PLEKHA3: variants seen among roughly 807,000 people sequenced by gnomAD.
PLEKHA3 encodes pleckstrin homology domain-containing family A member 3.
PLEKHA3 carries 19 observed loss-of-function variants against 39.2 expected under a neutral mutation model. The observed-to-expected ratio is 0.48, with a 90% CI of 0.34 to 0.71. The LOEUF is 0.71. Among genes scored for constraint, PLEKHA3 ranks in the 30% least tolerant of loss-of-function variants. The pLI is 0.01. For synonymous variants in PLEKHA3, 97 were observed against 118.6 expected (o/e 0.82, Z 1.18); for missense variants, 253 against 359.5 (o/e 0.70, Z 2.40).
At chr2:178,489,851 G>C (rs967841536) in intron 2 of PLEKHA3, among the ~76,000 whole-genome samples, 1 of 152,092 alleles carries the variant, frequency 6.6e-6, no homozygotes, top group Non-Finnish European at 1.5e-5. Flanking sequence ...GCACCAAAGA[G>C]TTAAACATAT....
At position 178,485,753 on chromosome 2, in the gene PLEKHA3, T is replaced by C. The variant is rs775393360; in HGVS notation, c.153T>C (p.Ile51=). The C allele has an allele frequency of 6.2e-7, 1 of 1,602,032 alleles. No individual in the cohort carries two copies. Among genetic ancestry groups the C allele is most frequent in the East Asian group, 2.2e-5 (1 of 44,788 alleles). The change falls in exon 2 of 8, where the codon ATT becomes ATC. Residue 51 remains isoleucine (I), a synonymous_variant. Coordinates refer to ENST00000234453, the MANE Select transcript of PLEKHA3 (RefSeq NM_019091.4). ...KGSIKMAVCE[I]KVHSADNTRM... ...GCATAAAGATGGCAGTTTGTGAAAT[T>C]AAAGGTAAGTGAATATACAGAATTA...
chr2:178,510,827 C>T lies in PLEKHA3; in HGVS notation c.*6940C>T, dbSNP rs927494360. On this transcript the variant is annotated 3_prime_UTR_variant, in exon 8 of 8. Coordinates refer to ENST00000234453, the MANE Select transcript of PLEKHA3 (RefSeq NM_019091.4). ...GTTGTGGACTTACATAAGCAAAATG[C>T]CTGCATTTATTTCATAGGTAAAATT... The T allele has an allele frequency of 6.6e-6, 1 of 152,078 alleles. No homozygotes were observed. The highest frequency in any genetic ancestry group is 1.5e-5 in the Non-Finnish European group (1 of 68,008). 9.4% of individuals were successfully genotyped at this position (152,078 alleles called of 1,614,324 possible). A position where few individuals can be genotyped will look rare whatever the true frequency, so the allele number is the denominator to read the frequency against.
At position 178,490,613 on chromosome 2, in the gene PLEKHA3, A is replaced by G. The variant is rs772400005; in HGVS notation, c.158-46A>G. 22 of 1,559,868 alleles carry G rather than the reference A, an allele frequency of 1.4e-5. No homozygotes were observed. In the East Asian group the frequency reaches 4.1e-4, roughly 29 times the overall value. Reference sequence around the variant, plus strand: ...TAGATGATTATTTGATTACCCTTAAATTACTTAAGTCTATAACTGTATTTC... The same window carrying G: ...TAGATGATTATTTGATTACCCTTAAGTTACTTAAGTCTATAACTGTATTTC... On this transcript the variant is annotated intron_variant, in intron 2 of 7. Coordinates refer to ENST00000234453, the MANE Select transcript of PLEKHA3 (RefSeq NM_019091.4).
chr2:178,497,182 T>TTA (rs1400481916), intron 5 of PLEKHA3, among the ~76,000 whole-genome samples: 5 of 151,014 alleles, frequency 3.3e-5, no homozygotes, highest in Admixed American at 3.3e-4. Flanking sequence ...ATTGAGCCCG[T>TTA]TATATATATA....
chr2:178,492,643 A>G (rs1685369140), intron 3 of PLEKHA3, among the ~76,000 whole-genome samples: 1 of 151,630 alleles, frequency 6.6e-6, no homozygotes, highest in Admixed American at 6.6e-5. Context: ...AAAAAAAAAA[A>G]GCTAATCACA....
At chr2:178,499,329 A>G in intron 6 of PLEKHA3, 75 bp downstream of exon 6, 1 of 1,454,626 alleles carries the variant, frequency 6.9e-7, no homozygotes, top group African/African-American at 1.4e-5. Flanking sequence ...GCCTTTAACA[A>G]GTGGTGTGGA....
At chr2:178,481,021 G>C in intron 1 of PLEKHA3, 112 bp downstream of exon 1, 1 of 1,008,812 alleles carries the variant, frequency 9.9e-7, no homozygotes, top group Non-Finnish European at 1.3e-6. Flanking sequence ...GAGCGAATTC[G>C]CTCTACTCGA....
rs1466321314 is a variant in PLEKHA3 at position 178,514,913 on chromosome 2, A to G, written c.*11026A>G. 1 of 152,176 alleles carries G rather than the reference A, an allele frequency of 6.6e-6. No homozygotes were observed. The highest frequency in any genetic ancestry group is 2.4e-5 in the African/African-American group (1 of 41,432). 9.4% of individuals were successfully genotyped at this position (152,176 alleles called of 1,614,324 possible). A position where few individuals can be genotyped will look rare whatever the true frequency, so the allele number is the denominator to read the frequency against. On this transcript the variant is annotated 3_prime_UTR_variant, in exon 8 of 8. Transcript: ENST00000234453. ...GCCATGACCTTTGAGGGGAAAAGGCACAGATTGCAACTTTTCTTTCCTGCT... is the reference window on the plus strand; with the variant it reads ...GCCATGACCTTTGAGGGGAAAAGGCGCAGATTGCAACTTTTCTTTCCTGCT...
At chr2:178,485,956 G>T (rs1311340789) in intron 2 of PLEKHA3, among the ~76,000 whole-genome samples, 199 bp downstream of exon 2, 1 of 152,192 alleles carries the variant, frequency 6.6e-6, no homozygotes, top group Non-Finnish European at 1.5e-5. Context: ...CTCTACAAAT[G>T]TATTTTTGAA....
chr2:178,488,141 T>C (rs965139749), intron 2 of PLEKHA3, among the ~76,000 whole-genome samples: 2 of 152,198 alleles, frequency 1.3e-5, no homozygotes, highest in African/African-American at 2.4e-5. Context: ...GGTTGAATGT[T>C]GTCTTCTTTT....
At chr2:178,486,225 TG>T in intron 2 of PLEKHA3, among the ~76,000 whole-genome samples, 1 of 152,288 alleles carries the variant, frequency 6.6e-6, no homozygotes, top group African/African-American at 2.4e-5. Context: ...GTGATAGAGA[TG>T]GTTTCCTTTT....
At chr2:178,483,270 G>A (rs950607169) in intron 1 of PLEKHA3, among the ~76,000 whole-genome samples, 1 of 144,374 alleles carries the variant, frequency 6.9e-6, no homozygotes, top group Non-Finnish European at 1.6e-5. Flanking sequence ...AAAAAAAAAA[G>A]TGTTATTTGA....
chr2:178,481,645 C>T (rs1438502508), intron 1 of PLEKHA3, among the ~76,000 whole-genome samples: 1 of 152,148 alleles, frequency 6.6e-6, no homozygotes, highest in East Asian at 1.9e-4. Flanking sequence ...TTAAAAGCTC[C>T]TTAAATTTGA....
chr2:178,497,569 G>C (rs1042801026), intron 5 of PLEKHA3, among the ~76,000 whole-genome samples: 1 of 152,192 alleles, frequency 6.6e-6, no homozygotes, highest in Non-Finnish European at 1.5e-5. Flanking sequence ...CAGGACTGTG[G>C]TGTGGTGTTG....
intron 6 of PLEKHA3, among the ~76,000 whole-genome samples, chr2:178,499,855 C>G (rs75817737): frequency 1.3e-5 from 2 of 152,094 alleles, no homozygotes; most frequent in Non-Finnish European, 2.9e-5. Context: ...CATTAAGAGA[C>G]GCATGACTGT....
rs1685144093 is a variant in PLEKHA3 at position 178,480,735 on chromosome 2, G to A, written c.-135G>A. Reference sequence around the variant, plus strand: ...AAAGGCCGCCACGTCCCTGCGGCGCGCGCAGGCAGAAAGCGGCTTCGTGCC... The same window carrying A: ...AAAGGCCGCCACGTCCCTGCGGCGCACGCAGGCAGAAAGCGGCTTCGTGCC... On this transcript the variant is annotated 5_prime_UTR_variant, in exon 1 of 8. Coordinates refer to ENST00000234453, the MANE Select transcript of PLEKHA3 (RefSeq NM_019091.4). The A allele has an allele frequency of 6.0e-6, 4 of 670,256 alleles. No homozygotes were observed. Among genetic ancestry groups the A allele is most frequent in the Non-Finnish European group, 8.5e-6 (4 of 472,212 alleles). The allele number at this position is 670,256 out of a possible 1,614,324, so 41.5% of individuals were successfully genotyped here. A position where few individuals can be genotyped will look rare whatever the true frequency, so the allele number is the denominator to read the frequency against.
At position 178,514,844 on chromosome 2, in the gene PLEKHA3, G is replaced by A. The variant is rs1042983641; in HGVS notation, c.*10957G>A. 7.2e-5 allele frequency: 11 copies of A among 152,094 alleles called. No individual in the cohort carries two copies. Among genetic ancestry groups the A allele is most frequent in the African/African-American group, 2.4e-4 (10 of 41,392 alleles). 9.4% of individuals were successfully genotyped at this position (152,094 alleles called of 1,614,324 possible). Reference sequence around the variant, plus strand: ...CTTTAGTGGCAAACCTCCTTACAGGGATGAGTTGCCCTCCATTCTCCTTGC... The same window carrying A: ...CTTTAGTGGCAAACCTCCTTACAGGAATGAGTTGCCCTCCATTCTCCTTGC... On this transcript the variant is annotated 3_prime_UTR_variant, in exon 8 of 8. Coordinates refer to ENST00000234453, the MANE Select transcript of PLEKHA3 (RefSeq NM_019091.4).
intron 7 of PLEKHA3, 136 bp from the exon 8 acceptor site, chr2:178,503,624 C>A: frequency 1.1e-6 from 1 of 885,380 alleles, no homozygotes; most frequent in Non-Finnish European, 1.7e-6. Flanking sequence ...CTGCATGAAA[C>A]AAACAAGGAA....
In PLEKHA3 at chr2:178,480,716, C is replaced by A; in HGVS notation, c.-154C>A. ...GCCCGCTGTCCCGGCCTCTAAAGGC[C>A]GCCACGTCCCTGCGGCGCGCGCAGG... On this transcript the variant is annotated 5_prime_UTR_variant, in exon 1 of 8. Transcript: ENST00000234453. 2 of 513,598 alleles carry A rather than the reference C, an allele frequency of 3.9e-6. No individual in the cohort carries two copies. The highest frequency in any genetic ancestry group is 6.0e-6 in the Non-Finnish European group (2 of 333,876). The allele number at this position is 513,598 out of a possible 1,614,324, so 31.8% of individuals were successfully genotyped here.
Sources: gnomAD v4.1 joint callset for allele counts (sites outside exome capture counted in the v4.1 genomes callset) on GRCh38, gnomAD v4.1.1 for gene constraint, MANE v1.5 for transcripts, NCBI Gene and HGNC (gene_info 2026-07-23, HGNC 2026-07-21) for gene names.